Variants in TMEM182 observed in about 807,000 individuals in gnomAD.
TMEM182 encodes transmembrane protein 182.
In TMEM182, 20 loss-of-function variants were observed where a neutral mutation model predicts 26.8. That is an observed-to-expected ratio of 0.75 (90% CI 0.53 to 1.09). TMEM182 has a LOEUF of 1.09. Ranked by LOEUF, TMEM182 falls within the 50% of genes least tolerant of loss-of-function variation. The probability of loss-of-function intolerance (pLI) is 0.00; values close to 1 mark genes in which losing one functional copy is unlikely to be tolerated. For synonymous variants in TMEM182, 109 were observed against 102.2 expected (o/e 1.07, Z -0.40); for missense variants, 277 against 275.5 (o/e 1.01, Z -0.04).
intron 3 of TMEM182, among the ~76,000 whole-genome samples, chr2:102,787,836 G>A (rs1681461660): frequency 6.6e-6 from 1 of 152,026 alleles, no homozygotes. Context: ...TTTAATTTCT[G>A]GAATATGACT....
chr2:102,817,818 A>G (rs1682806792), downstream of TMEM182: 2 of 658,442 alleles, frequency 3.0e-6, no homozygotes, highest in South Asian at 6.8e-5. Flanking sequence ...TGAATGGTAT[A>G]AATCAATATA....
In TMEM182 at chr2:102,816,013, CT is replaced by C. The variant is rs1295313956; in HGVS notation, c.*1048del. 1.0e-6 allele frequency: 1 copy of C among 984,882 alleles called. No homozygotes were observed. Among genetic ancestry groups the C allele is most frequent in the Non-Finnish European group, 1.2e-6 (1 of 829,488 alleles). The allele number at this position is 984,882 out of a possible 1,614,324, so 61.0% of individuals were successfully genotyped here. On this transcript the variant is annotated 3_prime_UTR_variant, in exon 5 of 5. Transcript: ENST00000412401. ...AATTACTGTCCCTCAATTTCTTCAT[CT>C]TTACAATAGATATATTAACATTTAC...
At chr2:102,767,973 C>A (rs1680520054) in intron 3 of TMEM182, among the ~76,000 whole-genome samples, 1 of 152,036 alleles carries the variant, frequency 6.6e-6, no homozygotes, top group South Asian at 2.1e-4. Context: ...TCCTCTCTTC[C>A]TTCCTCCTCC....
In TMEM182 at chr2:102,814,796, C is replaced by T; in HGVS notation, c.518C>T (p.Ala173Val). 6.2e-7 allele frequency: 1 copy of T among 1,613,832 alleles called. No homozygotes were observed. Among genetic ancestry groups the T allele is most frequent in the Non-Finnish European group, 8.5e-7 (1 of 1,179,930 alleles). ...VVMLYVIWVQ[A>V]VADMESYRNM... The stretch of plus-strand genomic sequence containing the variant: ...ATGCTGTATGTCATCTGGGTCCAGG[C>T]AGTGGCTGACATGGAAAGCTACCGA... Residue 173 changes from alanine (A) to valine (V), a missense_variant, in exon 5 of 5, where the codon GCA becomes GTA. Transcript: ENST00000412401.
upstream of TMEM182, among the ~76,000 whole-genome samples, chr2:102,759,741 A>AG (rs1355298148): frequency 6.6e-6 from 1 of 152,204 alleles, no homozygotes; most frequent in African/African-American, 2.4e-5. Flanking sequence ...ATTTGTGGAC[A>AG]GGGCTCCATT....
At chr2:102,776,921 A>G (rs1022741530) in intron 3 of TMEM182, among the ~76,000 whole-genome samples, 2 of 152,076 alleles carry the variant, frequency 1.3e-5, no homozygotes, top group African/African-American at 2.4e-5. Context: ...ATCTTTTCTC[A>G]TGCTTATTTA....
At position 102,762,681 on chromosome 2, in the gene TMEM182, G is replaced by T; in HGVS notation, c.227G>T (p.Trp76Leu). The T allele has an allele frequency of 1.2e-6, 2 of 1,612,294 alleles. No homozygotes were observed. The highest frequency in any genetic ancestry group is 8.5e-7 in the Non-Finnish European group (1 of 1,178,770). Residue 76 changes from tryptophan (W) to leucine (L), a missense_variant, in exon 2 of 5, where the codon TGG becomes TTG. Transcript: ENST00000412401. ...EENDSNIWKFWYTNQPPSKNC... is the reference protein window; with the variant it reads ...EENDSNIWKFLYTNQPPSKNC... ...AATGACTCCAATATTTGGAAGTTCTGGTACAGTAAGTACAATTTAGCTTTA... is the reference window on the plus strand; with the variant it reads ...AATGACTCCAATATTTGGAAGTTCTTGTACAGTAAGTACAATTTAGCTTTA...
intron 4 of TMEM182, among the ~76,000 whole-genome samples, chr2:102,798,499 A>T (rs1037182117): frequency 6.6e-6 from 1 of 152,224 alleles, no homozygotes; most frequent in African/African-American, 2.4e-5. Flanking sequence ...ATGATTTATC[A>T]TAGGTACAAA....
intron 4 of TMEM182, among the ~76,000 whole-genome samples, chr2:102,807,844 A>G (rs540240751): frequency 1.3e-5 from 2 of 152,336 alleles, no homozygotes; most frequent in South Asian, 4.1e-4. Flanking sequence ...ATTAATACAT[A>G]TGAAAACAAG....
At chr2:102,760,097 T>G (rs1373574609), upstream of TMEM182, among the ~76,000 whole-genome samples, 2 of 142,678 alleles carry the variant, frequency 1.4e-5, no homozygotes, top group Admixed American at 1.4e-4. Flanking sequence ...ACCCAGAATA[T>G]TTTACTATGT....
At chr2:102,834,435 T>G (rs1683205678) in intron 3 of TMEM182, 1 of 985,116 alleles carries the variant, frequency 1.0e-6, no homozygotes, top group South Asian at 4.7e-5. Context: ...GGGATGGAAG[T>G]GAAGTGGAAT....
chr2:102,779,764 A>G (rs1237783367), intron 3 of TMEM182, among the ~76,000 whole-genome samples: 4 of 151,808 alleles, frequency 2.6e-5, no homozygotes, highest in South Asian at 2.1e-4. Context: ...TGGGAGGCCA[A>G]GGCGGGTGGA....
chr2:102,827,829 G>A (rs1036655664), intron 3 of TMEM182, among the ~76,000 whole-genome samples: 14 of 152,200 alleles, frequency 9.2e-5, no homozygotes, highest in African/African-American at 2.9e-4. Flanking sequence ...GGCTTAGGCC[G>A]GGTGTGGTGG....
At chr2:102,788,529 A>G (rs200706343) in intron 3 of TMEM182, among the ~76,000 whole-genome samples, 1 of 137,942 alleles carries the variant, frequency 7.2e-6, no homozygotes, top group East Asian at 2.2e-4. Flanking sequence ...GACTATTATT[A>G]CTCCTGTTAC....
intron 1 of TMEM182, 115 bp from the exon 2 acceptor site, chr2:102,762,472 C>T: frequency 6.6e-7 from 1 of 1,523,788 alleles, no homozygotes; most frequent in Non-Finnish European, 8.9e-7. Context: ...ATGTAGAAAG[C>T]TACTGAGCTT....
chr2:102,817,367 G>A lies in TMEM182; in HGVS notation c.*2399G>A, dbSNP rs1214794830. The A allele has an allele frequency of 1.0e-6, 1 of 985,190 alleles. No individual in the cohort carries two copies. 61.0% of individuals were successfully genotyped at this position (985,190 alleles called of 1,614,324 possible). ...GGATATCTTTTCAGTTACACTTTTA[G>A]AAAGAGTGAATAAAAAGGGCAGTGA... On this transcript the variant is annotated 3_prime_UTR_variant, in exon 5 of 5. Transcript: ENST00000412401.
intron 3 of TMEM182, among the ~76,000 whole-genome samples, chr2:102,794,534 T>C (rs1365302780): frequency 1.3e-5 from 2 of 152,250 alleles, no homozygotes; most frequent in African/African-American, 4.8e-5. Context: ...ACAAATGGCT[T>C]CACCCTACCC....
intron 3 of TMEM182, among the ~76,000 whole-genome samples, chr2:102,843,245 C>T (rs569345936): frequency 6.6e-6 from 1 of 152,262 alleles, no homozygotes; most frequent in South Asian, 2.1e-4. Flanking sequence ...TAGAGTCAGT[C>T]CCTCTTACTA....
intron 1 of TMEM182, among the ~76,000 whole-genome samples, chr2:102,755,377 C>T (rs1573493421): frequency 6.6e-6 from 1 of 152,166 alleles, no homozygotes; most frequent in African/African-American, 2.4e-5. Flanking sequence ...GTGAGGAGCA[C>T]AGGAAGGAAA....
Sources: allele counts gnomAD v4.1 joint callset (sites outside exome capture counted in the v4.1 genomes callset), GRCh38; gene constraint gnomAD v4.1.1; transcripts MANE v1.5; gene names NCBI Gene and HGNC (gene_info 2026-07-23, HGNC 2026-07-21).